RAB11FIP5: variants seen among roughly 807,000 people sequenced by gnomAD.
The protein encoded by RAB11FIP5 is rab11 family-interacting protein 5.
RAB11FIP5 carries 48 observed loss-of-function variants against 85.1 expected under a neutral mutation model. That is an observed-to-expected ratio of 0.56 (90% confidence interval 0.45 to 0.72). The LOEUF (loss-of-function observed/expected upper bound fraction) is 0.72, where lower values mean the gene tolerates loss of function less well. Ranked by LOEUF, RAB11FIP5 falls within the 30% of genes least tolerant of loss-of-function variation. The probability of loss-of-function intolerance (pLI) is 0.00; values close to 1 mark genes in which losing one functional copy is unlikely to be tolerated. For missense variants in RAB11FIP5, 1,491 were observed against 1,687.0 expected (o/e 0.88, Z 2.04); for synonymous variants, 729 against 727.3 (o/e 1.00, Z -0.04).
intron 1 of RAB11FIP5, among the ~76,000 whole-genome samples, chr2:73,093,140 C>T (rs141551793): frequency 1.3e-5 from 2 of 152,316 alleles, no homozygotes; most frequent in East Asian, 3.9e-4. Flanking sequence ...TGGAGGCTTT[C>T]TTTTCACAGA....
At chr2:73,094,901 G>A (rs1164035419) in intron 1 of RAB11FIP5, among the ~76,000 whole-genome samples, 1 of 151,792 alleles carries the variant, frequency 6.6e-6, no homozygotes, top group Non-Finnish European at 1.5e-5. Context: ...TAGAAATTAA[G>A]AGTGTTAAGA....
chr2:73,075,982 C>A lies in RAB11FIP5; in HGVS notation c.3771+11G>T, dbSNP rs1683851861. ...TCTGTCAGATGGCCCCCACACCCTG[C>A]TGGGCCTTACCTTCAGCCTTTTGGT... On this transcript the variant is annotated intron_variant, in intron 5 of 5. Transcript: ENST00000486777. This position sits in a 1 kb window ranked among gnomAD's most constrained non-coding sequence, Gnocchi z 4.6. The A allele has an allele frequency of 6.2e-7, 1 of 1,608,242 alleles. No individual in the cohort carries two copies. The highest frequency in any genetic ancestry group is 8.5e-7 in the Non-Finnish European group (1 of 1,175,792).
intron 1 of RAB11FIP5, among the ~76,000 whole-genome samples, chr2:73,106,604 ACTAAAAC>A (rs1326026305): frequency 6.6e-6 from 1 of 151,878 alleles, no homozygotes; most frequent in African/African-American, 2.4e-5. Context: ...TCCCCATCTC[ACTAAAAC>A]CTGGCAGGCA....
chr2:73,079,525 G>T, intron 4 of RAB11FIP5, 126 bp downstream of exon 4: 1 of 1,159,690 alleles, frequency 8.6e-7, no homozygotes, highest in Non-Finnish European at 1.1e-6. Flanking sequence ...TGCCTCTGGG[G>T]TAAAAGAGAC....
intron 4 of RAB11FIP5, among the ~76,000 whole-genome samples, chr2:73,077,339 A>G (rs1427970545): frequency 6.6e-6 from 1 of 151,934 alleles, no homozygotes; most frequent in Non-Finnish European, 1.5e-5. Flanking sequence ...GGCCTTAACA[A>G]TCAAGCACTG....
chr2:73,089,071 C>T lies in RAB11FIP5; in HGVS notation c.676G>A (p.Gly226Ser). The T allele has an allele frequency of 6.2e-7, 1 of 1,614,192 alleles. No homozygotes were observed. The highest frequency in any genetic ancestry group is 8.5e-7 in the Non-Finnish European group (1 of 1,180,028). ...AAGCCTTTGGCTTTGCCCATCTTGCCCAGGCTGCCCAGGTCAGGATCCTCT... is the reference window on the plus strand; with the variant it reads ...AAGCCTTTGGCTTTGCCCATCTTGCTCAGGCTGCCCAGGTCAGGATCCTCT... ...AIEDPDLGSL[G>S]KMGKAKGFFL... is the part of the protein sequence containing the mutation. Residue 226 changes from glycine (G) to serine (S), a missense_variant, in exon 2 of 6, where the codon GGC becomes AGC. Gly to Ser is a moderately conservative substitution (Grantham distance 56). This residue lies in a region of RAB11FIP5 where 1,211 missense variants were observed against 1,338.0 expected (regional missense o/e 0.91). Transcript: ENST00000486777. The surrounding 1 kb of genome is among the most constrained non-coding windows in gnomAD (Gnocchi z 4.6).
At chr2:73,087,572 TC>T (rs1209211106) in intron 3 of RAB11FIP5, among the ~76,000 whole-genome samples, 1 of 152,100 alleles carries the variant, frequency 6.6e-6, no homozygotes, top group Admixed American at 6.6e-5. Flanking sequence ...GACTCCCGTC[TC>T]CCAGAGGGAA....
At position 73,112,849 on chromosome 2, in the gene RAB11FIP5, G is replaced by T; in HGVS notation, c.-72C>A. 2.3e-6 allele frequency: 3 copies of T among 1,305,826 alleles called. No homozygotes were observed. The South Asian group carries it at 6.1e-5, about 26-fold the overall frequency. The allele number at this position is 1,305,826 out of a possible 1,614,324, so 80.9% of individuals were successfully genotyped here. A position where few individuals can be genotyped will look rare whatever the true frequency, so the allele number is the denominator to read the frequency against. On this transcript the variant is annotated 5_prime_UTR_variant, in exon 1 of 6. Transcript: ENST00000486777. The stretch of plus-strand genomic sequence containing the variant: ...AGGACCTGGTGACAAACCCGGCCGC[G>T]GCAGAAGGCGGTCAGGAACCAACTC...
chr2:73,109,534 C>A (rs1376679944), intron 1 of RAB11FIP5, among the ~76,000 whole-genome samples: 1 of 152,176 alleles, frequency 6.6e-6, no homozygotes, highest in African/African-American at 2.4e-5. Flanking sequence ...ATCCCAGTCT[C>A]CAGGTTTTTA....
Position 73,074,413 on chromosome 2 carries a change from C to T in RAB11FIP5, c.*1108G>A, listed in dbSNP as rs1323968406. The T allele has an allele frequency of 6.6e-6, 1 of 152,636 alleles. No individual in the cohort carries two copies. The allele number at this position is 152,636 out of a possible 1,614,324, so 9.5% of individuals were successfully genotyped here. A position where few individuals can be genotyped will look rare whatever the true frequency, so the allele number is the denominator to read the frequency against. On this transcript the variant is annotated 3_prime_UTR_variant, in exon 6 of 6. Coordinates refer to ENST00000486777, the MANE Select transcript of RAB11FIP5 (RefSeq NM_001371272.1). ...CTATTGGGGTTGAGGGAGGGGAAGA[C>T]AGCAGGAAGGTTGAGGGAGCAGCAA... is the stretch of plus-strand genomic sequence containing the variant.
intron 1 of RAB11FIP5, among the ~76,000 whole-genome samples, chr2:73,110,488 G>A (rs569399004): frequency 1.2e-4 from 14 of 120,148 alleles, no homozygotes; most frequent in East Asian, 7.7e-4. Context: ...TTCCCCCCCC[G>A]GTTCTATAAA....
chr2:73,078,445 CA>C lies in RAB11FIP5; in HGVS notation c.3581+1205del, dbSNP rs1203814153. Among the ~76,000 whole-genome samples the C allele has an allele frequency of 6.6e-6, 1 of 152,204 alleles. No individual in the cohort carries two copies. The highest frequency in any genetic ancestry group is 2.4e-5 in the African/African-American group (1 of 41,444). The stretch of plus-strand genomic sequence containing the variant: ...GGCCAGCCGAGGACACTGCAACCAC[CA>C]GCTCCCCCACATCCTCTCCCTCACC... On this transcript the variant is annotated intron_variant, in intron 4 of 5. Coordinates refer to ENST00000486777, the MANE Select transcript of RAB11FIP5 (RefSeq NM_001371272.1). This position sits in a 1 kb window ranked among gnomAD's most constrained non-coding sequence, Gnocchi z 4.4.
At chr2:73,085,096 G>A (rs1256391938) in intron 3 of RAB11FIP5, among the ~76,000 whole-genome samples, 6 of 152,178 alleles carry the variant, frequency 3.9e-5, no homozygotes, top group Admixed American at 3.3e-4. Context: ...CATGAGGAGA[G>A]CAGGACGTGA....
chr2:73,112,377 A>G lies in RAB11FIP5; in HGVS notation c.401T>C (p.Val134Ala). The change falls in exon 1 of 6, where the codon GTC becomes GCC. Residue 134 changes from valine (V) to alanine (A), a missense_variant. Coordinates refer to ENST00000486777, the MANE Select transcript of RAB11FIP5 (RefSeq NM_001371272.1). ...GTGCTGGGCGCGGCCTGCGCCGAAG[A>G]CCTCGTCCAGCGCCACCGTGGCCTG... ...LGQATVALDE[V>A]FGAGRAQHTQ... 6.3e-7 allele frequency: 1 copy of G among 1,599,742 alleles called. No homozygotes were observed. Among genetic ancestry groups the G allele is most frequent in the Non-Finnish European group, 8.5e-7 (1 of 1,176,356 alleles).
At chr2:73,084,919 C>A (rs531044477) in intron 3 of RAB11FIP5, among the ~76,000 whole-genome samples, 1 of 152,216 alleles carries the variant, frequency 6.6e-6, no homozygotes, top group African/African-American at 2.4e-5. Context: ...ATGGGCCCAA[C>A]GTGCAGGAAA....
intron 1 of RAB11FIP5, among the ~76,000 whole-genome samples, chr2:73,092,802 C>A (rs1007737264): frequency 6.6e-6 from 1 of 152,178 alleles, no homozygotes; most frequent in East Asian, 1.9e-4. Context: ...CCAGGACCTA[C>A]CTCTGGACCC....
intron 3 of RAB11FIP5, among the ~76,000 whole-genome samples, chr2:73,085,614 C>T (rs1684078217): frequency 6.6e-6 from 1 of 152,176 alleles, no homozygotes; most frequent in South Asian, 2.1e-4. Flanking sequence ...CTCCAGCACA[C>T]ACTGGTAGGG....
At chr2:73,097,590 C>T (rs1302040711) in intron 1 of RAB11FIP5, among the ~76,000 whole-genome samples, 1 of 152,252 alleles carries the variant, frequency 6.6e-6, no homozygotes, top group Non-Finnish European at 1.5e-5. Context: ...GCCCCCTTCA[C>T]AACTGCTCTA....
rs952863432 is a variant in RAB11FIP5, at chr2:73,080,279, G to C, written c.2953C>G (p.Pro985Ala). ...GCAGACAGGCAGGGCCCAGACACAG[G>C]GGGGCTGGCATCCTCCACTAGCTCT... ...LEELVEDASP[P>A]VSGPCLSAPA... The change falls in exon 4 of 6, where the codon CCT (proline) becomes GCT (alanine). Residue 985 changes from proline (P) to alanine (A), a missense_variant. By Grantham distance (27) the Pro-to-Ala change is conservative (BLOSUM62 -1). Transcript: ENST00000486777. 1.4e-5 allele frequency: 17 copies of C among 1,232,854 alleles called. No individual in the cohort carries two copies. The South Asian group carries it at 2.9e-4, about 21-fold the overall frequency. The allele number at this position is 1,232,854 out of a possible 1,614,324, so 76.4% of individuals were successfully genotyped here. A position where few individuals can be genotyped will look rare whatever the true frequency, so the allele number is the denominator to read the frequency against.
Sources: allele counts gnomAD v4.1 joint callset (sites outside exome capture counted in the v4.1 genomes callset), GRCh38; gene constraint gnomAD v4.1.1; regional missense constraint gnomAD v4.1.1; non-coding constraint Gnocchi (gnomAD v3.1); transcripts MANE v1.5; gene names NCBI Gene and HGNC (gene_info 2026-07-23, HGNC 2026-07-21).